Variants in CDH13 observed in about 807,000 individuals in gnomAD.
The protein encoded by CDH13 is cadherin-13.
A neutral mutation model predicts 63.8 loss-of-function variants in CDH13; 24 were observed. The observed-to-expected ratio is 0.38, with a 90% confidence interval of 0.27 to 0.53. The LOEUF (loss-of-function observed/expected upper bound fraction) is 0.53. CDH13 is among the 20% of genes least tolerant of loss of function. The probability of loss-of-function intolerance (pLI) is 0.85; values close to 1 mark genes in which losing one functional copy is unlikely to be tolerated. For missense variants in CDH13, 1,049 were observed against 903.1 expected (o/e 1.16, Z -2.07); for synonymous variants, 503 against 355.3 (o/e 1.42, Z -4.67).
chr16:83,130,789 C>T (rs532678641), intron 4 of CDH13, among the ~76,000 whole-genome samples: 5 of 152,246 alleles, frequency 3.3e-5, no homozygotes, highest in South Asian at 4.1e-4. Flanking sequence ...AGACAAAGTA[C>T]GTAACTGGTT....
Position 83,618,222 on chromosome 16 carries a change from C to T in CDH13, c.1101+15628C>T, listed in dbSNP as rs187455830. Among the ~76,000 whole-genome samples the T allele has an allele frequency of 1.9e-3, 292 of 151,926 alleles. 1 individual carries two copies. The highest frequency in any genetic ancestry group is 6.6e-3 in the African/African-American group (273 of 41,444). ...GGCTGATCGCCTAAGCTCAGGAGTT[C>T]AAGACCAGCCTGGGCAACATAGTGA... On this transcript the variant is annotated intron_variant, in intron 8 of 13. Coordinates refer to ENST00000567109, the MANE Select transcript of CDH13 (RefSeq NM_001257.5).
At chr16:83,437,279 T>C in intron 6 of CDH13, among the ~76,000 whole-genome samples, 1 of 152,176 alleles carries the variant, frequency 6.6e-6, no homozygotes, top group East Asian at 1.9e-4. Flanking sequence ...ATAATGATAG[T>C]CCTTACCTCA....
intron 1 of CDH13, among the ~76,000 whole-genome samples, chr16:82,698,686 C>G (rs556650340): frequency 6.6e-6 from 1 of 152,182 alleles, no homozygotes; most frequent in African/African-American, 2.4e-5. Context: ...ATGGCTGAGC[C>G]CATTGTCAAA....
intron 1 of CDH13, among the ~76,000 whole-genome samples, chr16:82,663,606 G>C (rs539937909): frequency 6.6e-6 from 1 of 152,180 alleles, no homozygotes; most frequent in Non-Finnish European, 1.5e-5. Flanking sequence ...TGTCTAAAAA[G>C]TTCAAAAGCA....
intron 6 of CDH13, among the ~76,000 whole-genome samples, chr16:83,426,456 C>G (rs1238098519): frequency 6.6e-6 from 1 of 151,756 alleles, no homozygotes; most frequent in Non-Finnish European, 1.5e-5. Context: ...TGGACCATAA[C>G]CTTTTGTTTC....
At chr16:82,921,136 T>A (rs1358019589) in intron 2 of CDH13, among the ~76,000 whole-genome samples, 9 of 152,220 alleles carry the variant, frequency 5.9e-5, no homozygotes, top group Non-Finnish European at 1.0e-4. Context: ...TGTATTAGTT[T>A]TCTGTGGCTG....
intron 7 of CDH13, among the ~76,000 whole-genome samples, chr16:83,497,519 G>C (rs2074173991): frequency 8.5e-6 from 1 of 117,446 alleles, no homozygotes; most frequent in South Asian, 3.8e-4. Flanking sequence ...TGTGGGGTGG[G>C]GGGAGGGGGA....
intron 1 of CDH13, among the ~76,000 whole-genome samples, chr16:82,648,347 G>A (rs987982503): frequency 2.0e-5 from 3 of 152,206 alleles, no homozygotes; most frequent in African/African-American, 7.2e-5. Context: ...ATGTGAAATA[G>A]TAATAATAGC....
rs938957711 is a variant in CDH13, at chr16:83,233,892, C to G, written c.636+16395C>G. 1.7e-4 allele frequency among the ~76,000 whole-genome samples: 26 copies of G among 152,292 alleles called. 1 individual carries two copies. Among genetic ancestry groups the G allele is most frequent in the Admixed American group, 9.8e-4 (15 of 15,290 alleles). On this transcript the variant is annotated intron_variant, in intron 5 of 13. Coordinates refer to ENST00000567109, the MANE Select transcript of CDH13 (RefSeq NM_001257.5). ...CCGCTATTCTACCTACCACCACACT[C>G]CTTGTATAGATGAGGTAATGGAGAG...
intron 7 of CDH13, among the ~76,000 whole-genome samples, chr16:83,547,641 T>C (rs909826562): frequency 2.0e-5 from 3 of 152,246 alleles, no homozygotes; most frequent in Non-Finnish European, 4.4e-5. Context: ...CTTTCTTTTT[T>C]ATGGCTGCAT....
At chr16:82,825,469 G>A (rs932581728) in intron 1 of CDH13, 1 of 151,314 alleles carries the variant, frequency 6.6e-6, no homozygotes, top group Non-Finnish European at 1.5e-5. Flanking sequence ...CTCATTAGCT[G>A]AAAGTGTTTT....
chr16:83,296,328 C>G (rs1396472971), intron 5 of CDH13, among the ~76,000 whole-genome samples: 1 of 152,180 alleles, frequency 6.6e-6, no homozygotes, highest in Non-Finnish European at 1.5e-5. Context: ...CACTCTAGGT[C>G]AGTCAGTAGC....
chr16:82,849,492 C>T (rs1049510761), intron 1 of CDH13, among the ~76,000 whole-genome samples: 1 of 152,048 alleles, frequency 6.6e-6, no homozygotes, highest in African/African-American at 2.4e-5. Context: ...CAGAGTGAGA[C>T]TCCGTCTCAA....
chr16:83,092,688 A>G (rs960335210), intron 3 of CDH13, among the ~76,000 whole-genome samples: 3 of 152,036 alleles, frequency 2.0e-5, no homozygotes, highest in Non-Finnish European at 4.4e-5. Context: ...TTCTCTGTTT[A>G]TTTTGAGTTG....
intron 4 of CDH13, among the ~76,000 whole-genome samples, chr16:83,164,741 A>T (rs1203583261): frequency 1.3e-5 from 2 of 151,828 alleles, no homozygotes; most frequent in East Asian, 1.9e-4. Context: ...AAAAAAAATC[A>T]TCGTTTTACT....
At chr16:82,841,118 G>A (rs1262986981) in intron 1 of CDH13, among the ~76,000 whole-genome samples, 1 of 152,220 alleles carries the variant, frequency 6.6e-6, no homozygotes, top group Non-Finnish European at 1.5e-5. Flanking sequence ...TGTCCATCAG[G>A]AGGTCAACCT....
At chr16:83,386,954 A>G (rs902893072) in intron 6 of CDH13, among the ~76,000 whole-genome samples, 3 of 152,240 alleles carry the variant, frequency 2.0e-5, no homozygotes, top group South Asian at 2.1e-4. Flanking sequence ...TCCCTGAAAC[A>G]TCATCTTTAG....
At chr16:83,438,816 A>G (rs1053132616) in intron 6 of CDH13, among the ~76,000 whole-genome samples, 2 of 152,250 alleles carry the variant, frequency 1.3e-5, no homozygotes, top group African/African-American at 4.8e-5. Flanking sequence ...CAGAAAGTCT[A>G]TGCAGCAGTG....
At chr16:82,698,155 G>T (rs2030560061) in intron 1 of CDH13, among the ~76,000 whole-genome samples, 1 of 152,234 alleles carries the variant, frequency 6.6e-6, no homozygotes, top group Non-Finnish European at 1.5e-5. Flanking sequence ...TTCAAAGTAT[G>T]GAAGATTGGA....
Sources: allele counts gnomAD v4.1 joint callset (sites outside exome capture counted in the v4.1 genomes callset), GRCh38; gene constraint gnomAD v4.1.1; transcripts MANE v1.5; gene names NCBI Gene and HGNC (gene_info 2026-07-23, HGNC 2026-07-21).